ADAMTS2: variants seen among roughly 807,000 people sequenced by gnomAD.
ADAMTS2 encodes the protein ADAM metallopeptidase with thrombospondin type 1 motif 2.
ADAMTS2 carries 50 observed loss-of-function variants against 123.0 expected under a neutral mutation model. That is an observed-to-expected ratio of 0.41 (90% CI 0.32 to 0.51). ADAMTS2 has a LOEUF of 0.51. ADAMTS2 is among the 20% of genes least tolerant of loss of function. ADAMTS2 has a pLI of 0.35. For synonymous variants in ADAMTS2, 678 were observed against 695.4 expected (o/e 0.98, Z 0.39); for missense variants, 1,494 against 1,705.2 (o/e 0.88, Z 2.18).
At chr5:179,244,688 T>C (rs1210054678) in intron 3 of ADAMTS2, among the ~76,000 whole-genome samples, 1 of 152,202 alleles carries the variant, frequency 6.6e-6, no homozygotes, top group Non-Finnish European at 1.5e-5. Flanking sequence ...TATAATTGTA[T>C]TATTGGGCCC....
At chr5:179,217,204 G>C (rs1450637033) in intron 3 of ADAMTS2, among the ~76,000 whole-genome samples, 22 of 152,246 alleles carry the variant, frequency 1.4e-4, no homozygotes, top group African/African-American at 5.1e-4. Context: ...TTAGAAGTTT[G>C]ATATCTACAT....
rs886060495 is a variant in ADAMTS2, at chr5:179,272,930, C to A, written c.669G>T (p.Gly223=). 21 of 1,609,898 alleles carry A rather than the reference C, an allele frequency of 1.3e-5. No homozygotes were observed. Among genetic ancestry groups the A allele is most frequent in the Non-Finnish European group, 1.8e-5 (21 of 1,179,936 alleles). The change falls in exon 3 of 22, where the codon GGG becomes GGT. Residue 223 remains glycine (G), a synonymous_variant. Transcript: ENST00000251582. The surrounding 1 kb of genome is among the most constrained non-coding windows in gnomAD (Gnocchi z 5.8). The part of the protein sequence containing the change: ...RRPPTSPPLG[G]PQALDTGASL... ...CCTCACCTGTGTCCAGGGCCTGTGG[C>A]CCCCCGAGAGGAGGGGACGTGGGTG...
intron 7 of ADAMTS2, among the ~76,000 whole-genome samples, chr5:179,154,435 G>T (rs906061944): frequency 6.6e-6 from 1 of 152,158 alleles, no homozygotes; most frequent in Non-Finnish European, 1.5e-5. Flanking sequence ...TGCACACCTG[G>T]GGGGGACCGT....
At chr5:179,191,401 A>G (rs373659538) in intron 4 of ADAMTS2, among the ~76,000 whole-genome samples, 1 of 152,176 alleles carries the variant, frequency 6.6e-6, no homozygotes, top group African/African-American at 2.4e-5. Flanking sequence ...CCCGTCTCAG[A>G]GGCTGTGTGG....
At chr5:179,301,326 T>A (rs1756510874) in intron 2 of ADAMTS2, among the ~76,000 whole-genome samples, 1 of 152,196 alleles carries the variant, frequency 6.6e-6, no homozygotes, top group Non-Finnish European at 1.5e-5. Context: ...GACCTCTGCT[T>A]TTCCGTGTCT....
At chr5:179,167,295 C>A (rs1264867485) in intron 5 of ADAMTS2, among the ~76,000 whole-genome samples, 1 of 152,086 alleles carries the variant, frequency 6.6e-6, no homozygotes. Context: ...GCGCTGCTGC[C>A]GCGAGAACAG....
At chr5:179,294,934 G>C (rs1561700160) in intron 2 of ADAMTS2, among the ~76,000 whole-genome samples, 1 of 152,262 alleles carries the variant, frequency 6.6e-6, no homozygotes, top group Non-Finnish European at 1.5e-5. Context: ...TCACTGTGCA[G>C]ACTCCTGGCA....
At chr5:179,190,337 AC>A (rs2113335236) in intron 4 of ADAMTS2, among the ~76,000 whole-genome samples, 2 of 152,254 alleles carry the variant, frequency 1.3e-5, no homozygotes, top group East Asian at 3.9e-4. Flanking sequence ...TTTTGGGGTA[AC>A]AGGTGATATT....
At position 179,260,165 on chromosome 5, in the gene ADAMTS2, C is replaced by A. The variant is rs1766178377; in HGVS notation, c.688+12746G>T. Among the ~76,000 whole-genome samples the A allele has an allele frequency of 6.6e-6, 1 of 152,166 alleles. No homozygotes were observed. Among genetic ancestry groups the A allele is most frequent in the African/African-American group, 2.4e-5 (1 of 41,444 alleles). ...ACCAGTAGCCACCCACAGCTGCCAA[C>A]CTGAGTCTGCAGCCCTGACACTGTG... On this transcript the variant is annotated intron_variant, in intron 3 of 21. Coordinates refer to ENST00000251582, the MANE Select transcript of ADAMTS2 (RefSeq NM_014244.5). This position sits in a 1 kb window ranked among gnomAD's most constrained non-coding sequence, Gnocchi z 4.2.
At chr5:179,321,967 C>A (rs918805571) in intron 2 of ADAMTS2, among the ~76,000 whole-genome samples, 2 of 152,138 alleles carry the variant, frequency 1.3e-5, no homozygotes, top group Admixed American at 1.3e-4. Flanking sequence ...ACTGGATGAT[C>A]CAGAAATATT....
chr5:179,207,055 G>A (rs1041602590), intron 4 of ADAMTS2, among the ~76,000 whole-genome samples: 1 of 152,206 alleles, frequency 6.6e-6, no homozygotes, highest in Non-Finnish European at 1.5e-5. Flanking sequence ...GCTTCTGTTT[G>A]GAGCGAGAAG....
chr5:179,288,535 C>T (rs1292546574), intron 2 of ADAMTS2, among the ~76,000 whole-genome samples: 8 of 152,200 alleles, frequency 5.3e-5, no homozygotes, highest in Non-Finnish European at 8.8e-5. Flanking sequence ...AGGGTGGCTC[C>T]GGGGGAGGGG....
intron 2 of ADAMTS2, among the ~76,000 whole-genome samples, chr5:179,315,999 C>A (rs1756979661): frequency 6.6e-6 from 1 of 152,176 alleles, no homozygotes; most frequent in Non-Finnish European, 1.5e-5. Context: ...TTCCTAGAGG[C>A]CTTATCAATA....
intron 6 of ADAMTS2, among the ~76,000 whole-genome samples, chr5:179,157,722 CAT>C (rs1327159060): frequency 2.6e-5 from 4 of 151,990 alleles, no homozygotes; most frequent in Admixed American, 6.6e-5. Context: ...AGTGCCTTTT[CAT>C]ATGTTTATTG....
intron 3 of ADAMTS2, among the ~76,000 whole-genome samples, chr5:179,221,433 C>T (rs1471211215): frequency 6.6e-6 from 1 of 152,174 alleles, no homozygotes; most frequent in Non-Finnish European, 1.5e-5. Context: ...CCACCATGAC[C>T]CTTGGGCACA....
At chr5:179,268,574 G>C (rs1433079717) in intron 3 of ADAMTS2, among the ~76,000 whole-genome samples, 1 of 152,238 alleles carries the variant, frequency 6.6e-6, no homozygotes, top group Non-Finnish European at 1.5e-5. Flanking sequence ...CTCAGTGTCA[G>C]CACAGGGTTG....
At chr5:179,195,074 C>T (rs1764392642) in intron 4 of ADAMTS2, among the ~76,000 whole-genome samples, 1 of 152,192 alleles carries the variant, frequency 6.6e-6, no homozygotes, top group South Asian at 2.1e-4. Context: ...CCTTCCCTGA[C>T]CAGCCGCCCC....
At chr5:179,254,426 T>C (rs1221234398) in intron 3 of ADAMTS2, among the ~76,000 whole-genome samples, 3 of 152,128 alleles carry the variant, frequency 2.0e-5, no homozygotes, top group African/African-American at 7.2e-5. Context: ...GGGTTCCCAC[T>C]GGGGTGATGA....
At chr5:179,206,562 C>G (rs139967916) in intron 4 of ADAMTS2, among the ~76,000 whole-genome samples, 87 of 152,316 alleles carry the variant, frequency 5.7e-4, no homozygotes, top group African/African-American at 2.0e-3. Flanking sequence ...ACAAATACCC[C>G]CCTGCCCCTA....
Sources: gnomAD v4.1 joint callset for allele counts (sites outside exome capture counted in the v4.1 genomes callset) on GRCh38, gnomAD v4.1.1 for gene constraint, Gnocchi (gnomAD v3.1) non-coding constraint, MANE v1.5 for transcripts, NCBI Gene and HGNC (gene_info 2026-07-23, HGNC 2026-07-21) for gene names.